The following OFD1 variants were observed in gnomAD, a reference collection of about 807,000 sequenced individuals.
OFD1 encodes OFD1 centriole and centriolar satellite protein, also known as centriole and centriolar satellite protein OFD1.
Under a neutral mutation model 81.4 loss-of-function variants are expected in OFD1, and 12 were observed. The observed-to-expected ratio is 0.15, with a 90% CI of 0.09 to 0.24. OFD1 has a LOEUF of 0.24. Ranked by LOEUF, OFD1 falls within the 10% of genes least tolerant of loss-of-function variation. The pLI is 1.00. For synonymous variants in OFD1, 256 were observed against 263.7 expected, an observed-to-expected ratio of 0.97 and a Z score of 0.28; for missense variants, 685 against 733.9, an observed-to-expected ratio of 0.93 and a Z score of 0.77.
the OFD1 span, chrX:13,721,808 C>A: frequency 9.1e-6 from 1 of 109,939 alleles, no homozygotes; most frequent in Non-Finnish European, 1.9e-5. Context: ...CTATAGACTG[C>A]AGGCCAAATC....
the OFD1 span, among the ~76,000 whole-genome samples, chrX:13,716,889 CAATT>C: frequency 4.7e-4 from 52 of 109,595 alleles, no homozygotes; most frequent in Non-Finnish European, 8.2e-4. Context: ...CAGAAACAGC[CAATT>C]AATAAATGAA....
chrX:13,731,612 G>A (rs1287616967), upstream of OFD1, among the ~76,000 whole-genome samples: 2 of 111,580 alleles, frequency 1.8e-5, no homozygotes, highest in Non-Finnish European at 3.8e-5. Flanking sequence ...TACACCATTC[G>A]TCTCATTCAC....
chrX:13,719,941 A>G, the OFD1 span: 2 of 1,199,380 alleles, frequency 1.7e-6, no homozygotes, highest in South Asian at 1.9e-5. Flanking sequence ...GCCAACAATT[A>G]CAAAGTAGAA....
the OFD1 span, among the ~76,000 whole-genome samples, chrX:13,728,340 G>A: frequency 1.5e-4 from 17 of 111,738 alleles, no homozygotes; most frequent in East Asian, 1.9e-3. Flanking sequence ...ACATTGATGC[G>A]AAAATCCTCA....
intron 5 of OFD1, among the ~76,000 whole-genome samples, chrX:13,742,456 A>C (rs1248590115): frequency 6.2e-5 from 7 of 112,426 alleles, no homozygotes; most frequent in Non-Finnish European, 1.3e-4. Context: ...AGAGCAAGAT[A>C]CATGAAAGAA....
At position 13,735,016 on chromosome X, in the gene OFD1, T is replaced by C; in HGVS notation, c.-56T>C. The C allele has an allele frequency of 8.5e-7, 1 of 1,175,989 alleles. No individual in the cohort carries two copies. ...TGGCCCCACCGCCCGGGCTGGGCACTAAACTCGGGCCGCGGCGGGGCGAGC... is the reference window on the plus strand; with the variant it reads ...TGGCCCCACCGCCCGGGCTGGGCACCAAACTCGGGCCGCGGCGGGGCGAGC... On this transcript the variant is annotated 5_prime_UTR_variant, in exon 1 of 23. Coordinates refer to ENST00000340096, the MANE Select transcript of OFD1 (RefSeq NM_003611.3).
rs369277849 is a variant in OFD1 at position 13,761,197 on chromosome X, G to T, written c.2373G>T (p.Pro791=). The change falls in exon 17 of 23, where the codon CCG becomes CCT. Residue 791 remains proline, a synonymous_variant. Coordinates refer to ENST00000340096, the MANE Select transcript of OFD1 (RefSeq NM_003611.3). ...CCATCCCTCCTGTCTCCAGCCCTCC[G>T]GAGCAGAAAGTGGGGTAAGTATAAC... ...SLSIPPVSSP[P]EQKVGLYRRQ... is the part of the protein sequence containing the mutation. 6.6e-6 allele frequency: 8 copies of T among 1,210,656 alleles called. No homozygotes were observed. The highest frequency in any genetic ancestry group is 7.8e-6 in the Non-Finnish European group (7 of 894,984).
chrX:13,719,827 A>G, the OFD1 span: 2 of 933,606 alleles, frequency 2.1e-6, no homozygotes, highest in Non-Finnish European at 3.0e-6. Context: ...TTCTAAAATC[A>G]TATTATACCA....
chrX:13,772,591 G>C, downstream of OFD1: 1 of 265,239 alleles, frequency 3.8e-6, no homozygotes. Context: ...TGGTAGAATT[G>C]CCCTAGCAAT....
the OFD1 span, chrX:13,721,849 A>G: frequency 9.0e-6 from 1 of 110,515 alleles, no homozygotes; most frequent in Non-Finnish European, 1.9e-5. Context: ...CGACCATCTA[A>G]GGCTGCTCTC....
intron 8 of OFD1, among the ~76,000 whole-genome samples, chrX:13,748,727 G>A (rs1014315279): frequency 9.0e-6 from 1 of 111,458 alleles, no homozygotes; most frequent in Admixed American, 9.5e-5. Flanking sequence ...ACATTCAGAC[G>A]ACACCACCAC....
chrX:13,734,277 G>A, upstream of OFD1: 4 of 369,037 alleles, frequency 1.1e-5, no homozygotes, highest in Middle Eastern at 2.2e-3. Flanking sequence ...AAAGGCAACA[G>A]TGCAGCCGTT....
the OFD1 span, chrX:13,720,455 C>A: frequency 8.9e-6 from 1 of 112,132 alleles, no homozygotes; most frequent in African/African-American, 3.2e-5. Flanking sequence ...CAGGAGGCAT[C>A]CGTCGGGGGA....
chrX:13,717,568 C>A, the OFD1 span, among the ~76,000 whole-genome samples: 1 of 110,407 alleles, frequency 9.1e-6, no homozygotes, highest in South Asian at 3.8e-4. Flanking sequence ...ATGGTGAAAT[C>A]CCATCTCTAC....
At chrX:13,770,416 T>C (rs1263995306), downstream of OFD1, among the ~76,000 whole-genome samples, 1 of 111,947 alleles carries the variant, frequency 8.9e-6, no homozygotes, top group Admixed American at 9.5e-5. Flanking sequence ...CTAAGAAAGG[T>C]CAGACGCAGA....
upstream of OFD1, among the ~76,000 whole-genome samples, chrX:13,732,336 A>G (rs1359771454): frequency 8.9e-6 from 1 of 111,816 alleles, no homozygotes; most frequent in East Asian, 2.8e-4. Context: ...AGTAGGGGAG[A>G]CCTTTTTGGG....
chrX:13,763,679 C>G (rs988070634), intron 18 of OFD1, 66 bp from the exon 19 acceptor site: 11 of 904,399 alleles, frequency 1.2e-5, no homozygotes, highest in African/African-American at 1.9e-5. Context: ...TGCCCCCACA[C>G]TGCACTGCCC....
chrX:13,738,969 G>A, intron 4 of OFD1, 33 bp from the exon 5 acceptor site: 2 of 1,187,524 alleles, frequency 1.7e-6, no homozygotes, highest in South Asian at 3.5e-5. Flanking sequence ...TAACTGAATA[G>A]CTGAATAAAA....
At chrX:13,748,918 A>G (rs1221261157) in intron 8 of OFD1, among the ~76,000 whole-genome samples, 1 of 110,324 alleles carries the variant, frequency 9.1e-6, no homozygotes, top group Non-Finnish European at 1.9e-5. Context: ...CAGAAGTTCG[A>G]CACCAGCCTG....
Sources: gnomAD v4.1 joint callset for allele counts (sites outside exome capture counted in the v4.1 genomes callset) on GRCh38, gnomAD v4.1.1 for gene constraint, MANE v1.5 for transcripts, NCBI Gene and HGNC (gene_info 2026-07-23, HGNC 2026-07-21) for gene names.